The following ZNF277 variants were observed in gnomAD, a reference collection of about 807,000 sequenced individuals.
ZNF277 encodes zinc finger protein 277, also known as nuclear receptor-interacting factor 4.
In ZNF277, 55 loss-of-function variants were observed where a neutral mutation model predicts 60.7. The observed-to-expected ratio is 0.91, with a 90% CI of 0.73 to 1.13. The LOEUF (loss-of-function observed/expected upper bound fraction) is 1.13, where lower values mean the gene tolerates loss of function less well. Among genes scored for constraint, ZNF277 ranks in the 50% most tolerant of loss-of-function variants. The probability of loss-of-function intolerance (pLI) is 0.00; values close to 1 mark genes in which losing one functional copy is unlikely to be tolerated. For synonymous variants in ZNF277, 178 were observed against 179.3 expected, an observed-to-expected ratio of 0.99 and a Z score of 0.06; for missense variants, 510 against 523.0, an observed-to-expected ratio of 0.98 and a Z score of 0.24.
intron 1 of ZNF277, among the ~76,000 whole-genome samples, chr7:112,247,544 T>C (rs1412143670): frequency 2.0e-5 from 3 of 152,106 alleles, no homozygotes; most frequent in Admixed American, 1.3e-4. Flanking sequence ...GCAAAGAAGA[T>C]GTGAAGTTGG....
intron 1 of ZNF277, among the ~76,000 whole-genome samples, chr7:112,272,884 T>A (rs1265127078): frequency 6.6e-6 from 1 of 152,214 alleles, no homozygotes; most frequent in Non-Finnish European, 1.5e-5. Context: ...AGGATTCCCT[T>A]TTCTACACAT....
intron 5 of ZNF277, among the ~76,000 whole-genome samples, chr7:112,327,440 G>A (rs1049052654): frequency 2.0e-5 from 3 of 152,006 alleles, no homozygotes; most frequent in African/African-American, 7.2e-5. Context: ...GCCATGGACC[G>A]ATACCCCTGG....
At chr7:112,234,339 G>A (rs1405044427) in intron 1 of ZNF277, among the ~76,000 whole-genome samples, 1 of 152,158 alleles carries the variant, frequency 6.6e-6, no homozygotes, top group African/African-American at 2.4e-5. Flanking sequence ...GGGTTGGTAA[G>A]TCCAAGATCA....
At chr7:112,331,198 T>C (rs142650755) in intron 7 of ZNF277, among the ~76,000 whole-genome samples, 7 of 152,128 alleles carry the variant, frequency 4.6e-5, no homozygotes, top group African/African-American at 1.7e-4. Context: ...CAGTGGGGGA[T>C]GGGGAGAGGC....
chr7:112,307,644 A>G (rs1792631807), intron 4 of ZNF277, among the ~76,000 whole-genome samples: 1 of 151,342 alleles, frequency 6.6e-6, no homozygotes, highest in African/African-American at 2.4e-5. Context: ...CCAACTCCTG[A>G]CCTCAAGTGA....
At chr7:112,222,240 G>A (rs1456250741) in intron 1 of ZNF277, among the ~76,000 whole-genome samples, 3 of 152,198 alleles carry the variant, frequency 2.0e-5, no homozygotes, top group Non-Finnish European at 2.9e-5. Flanking sequence ...CAGTGTTTTG[G>A]AAGAGTTTGA....
At chr7:112,278,052 A>G (rs541197841) in intron 1 of ZNF277, among the ~76,000 whole-genome samples, 102 of 152,270 alleles carry the variant, frequency 6.7e-4, no homozygotes, top group African/African-American at 2.4e-3. Flanking sequence ...TTCAATATGA[A>G]CAGAGCTTAT....
At chr7:112,235,963 A>C (rs1790772714) in intron 1 of ZNF277, among the ~76,000 whole-genome samples, 1 of 152,078 alleles carries the variant, frequency 6.6e-6, no homozygotes, top group Non-Finnish European at 1.5e-5. Context: ...GGGTTTAAGA[A>C]AGTAATCCAG....
At chr7:112,297,316 T>C (rs926340187) in intron 4 of ZNF277, among the ~76,000 whole-genome samples, 2 of 152,180 alleles carry the variant, frequency 1.3e-5, no homozygotes, top group African/African-American at 4.8e-5. Flanking sequence ...TTATTTGTGA[T>C]TTAATCTCGA....
intron 2 of ZNF277, among the ~76,000 whole-genome samples, chr7:112,293,277 A>G (rs1158727067): frequency 6.6e-6 from 1 of 152,142 alleles, no homozygotes; most frequent in Non-Finnish European, 1.5e-5. Context: ...TTGATTGTCC[A>G]TTTAAAAAAA....
At chr7:112,326,830 G>A (rs1793103682) in intron 5 of ZNF277, among the ~76,000 whole-genome samples, 2 of 152,128 alleles carry the variant, frequency 1.3e-5, no homozygotes, top group Non-Finnish European at 1.5e-5. Context: ...TTATACTGAT[G>A]AGGCTCTCCA....
rs997611819 is a variant in ZNF277 at position 112,231,947 on chromosome 7, A to C, written c.91+25140A>C. Among the ~76,000 whole-genome samples, 49 of 151,536 alleles carry C rather than the reference A, an allele frequency of 3.2e-4. No homozygotes were observed. The East Asian group carries it at 7.5e-3, about 23-fold the overall frequency. Reference sequence around the variant, plus strand: ...AATAGTATTTTCTACTTCATGAGGAAAGAAGTATCTATTTAAATTTTTTTG... The same window carrying C: ...AATAGTATTTTCTACTTCATGAGGACAGAAGTATCTATTTAAATTTTTTTG... On this transcript the variant is annotated intron_variant, in intron 1 of 11. Transcript: ENST00000361822.
intron 1 of ZNF277, among the ~76,000 whole-genome samples, chr7:112,251,164 A>G (rs576818129): frequency 2.0e-5 from 3 of 152,284 alleles, no homozygotes; most frequent in African/African-American, 4.8e-5. Context: ...ACTTCCCTCT[A>G]CTTGTCAGAC....
intron 1 of ZNF277, among the ~76,000 whole-genome samples, chr7:112,208,538 C>G (rs1242404598): frequency 6.6e-6 from 1 of 150,734 alleles, no homozygotes; most frequent in African/African-American, 2.4e-5. Flanking sequence ...AGCACCACTC[C>G]CCGAGTATTA....
intron 1 of ZNF277, among the ~76,000 whole-genome samples, chr7:112,224,231 T>C (rs1281744930): frequency 1.3e-5 from 2 of 152,198 alleles, no homozygotes; most frequent in African/African-American, 2.4e-5. Flanking sequence ...CTGGGCCACA[T>C]TGGAAGAAGA....
At chr7:112,230,621 A>G (rs1391288643) in intron 1 of ZNF277, among the ~76,000 whole-genome samples, 4 of 152,208 alleles carry the variant, frequency 2.6e-5, no homozygotes, top group Non-Finnish European at 5.9e-5. Flanking sequence ...TGTTGAGTGC[A>G]CACTTGACTT....
intron 1 of ZNF277, among the ~76,000 whole-genome samples, chr7:112,213,598 C>CA (rs2116949801): frequency 6.6e-6 from 1 of 152,254 alleles, no homozygotes; most frequent in South Asian, 2.1e-4. Flanking sequence ...CCTAGGTAGT[C>CA]ATATTACGCT....
intron 2 of ZNF277, among the ~76,000 whole-genome samples, chr7:112,295,399 G>A (rs1239573117): frequency 6.6e-6 from 1 of 152,038 alleles, no homozygotes; most frequent in African/African-American, 2.4e-5. Flanking sequence ...TTGTTATATT[G>A]ATATTGAATT....
At chr7:112,325,030 T>G (rs563357507) in intron 5 of ZNF277, among the ~76,000 whole-genome samples, 5 of 152,256 alleles carry the variant, frequency 3.3e-5, no homozygotes, top group African/African-American at 1.2e-4. Flanking sequence ...ACTAATCTCT[T>G]CCAGAAACAT....
Sources: allele counts gnomAD v4.1 joint callset (sites outside exome capture counted in the v4.1 genomes callset), GRCh38; gene constraint gnomAD v4.1.1; transcripts MANE v1.5; gene names NCBI Gene and HGNC (gene_info 2026-07-23, HGNC 2026-07-21).